The following RANBP3 variants were observed in gnomAD, a reference collection of about 807,000 sequenced individuals.
The protein encoded by RANBP3 is RAN binding protein 3.
Under a neutral mutation model 77.3 loss-of-function variants are expected in RANBP3, and 14 were observed. That is an observed-to-expected ratio of 0.18 (90% CI 0.12 to 0.28). RANBP3 has a LOEUF of 0.28. Ranked by LOEUF, RANBP3 falls within the 10% of genes least tolerant of loss-of-function variation. The pLI, the probability that RANBP3 is intolerant of heterozygous loss-of-function variation, is 1.00. For missense variants in RANBP3, 586 were observed against 752.3 expected (o/e 0.78, Z 2.59); for synonymous variants, 315 against 312.4 (o/e 1.01, Z -0.09).
rs2057752070 is a variant in RANBP3, at chr19:5,917,366, G to A, written c.*244C>T. On this transcript the variant is annotated 3_prime_UTR_variant, in exon 17 of 17. Transcript: ENST00000340578. ...TAATGTGCCATTTCAATTCAAAGGA[G>A]GGGAGGGAGGAAATGTTCTTGTTTG... 1.9e-6 allele frequency: 1 copy of A among 531,566 alleles called. No individual in the cohort carries two copies. The highest frequency in any genetic ancestry group is 3.4e-5 in the Admixed American group (1 of 29,230). 32.9% of individuals were successfully genotyped at this position (531,566 alleles called of 1,614,324 possible). A position where few individuals can be genotyped will look rare whatever the true frequency, so the allele number is the denominator to read the frequency against.
intron 7 of RANBP3, 22 bp from the exon 8 acceptor site, chr19:5,931,553 G>A (rs1217538922): frequency 6.3e-7 from 1 of 1,593,314 alleles, no homozygotes; most frequent in East Asian, 2.3e-5. Context: ...AAGGAGAGTG[G>A]GGAATCACAG....
At chr19:5,923,782 G>GCC (rs756953950) in intron 12 of RANBP3, 30 bp downstream of exon 12, 14 of 1,544,818 alleles carry the variant, frequency 9.1e-6, no homozygotes, top group Non-Finnish European at 1.3e-5. Flanking sequence ...CCTACCATGA[G>GCC]CCCCATGCTG....
intron 1 of RANBP3, among the ~76,000 whole-genome samples, chr19:5,972,858 T>C (rs975562582): frequency 2.0e-5 from 3 of 152,160 alleles, no homozygotes; most frequent in African/African-American, 7.2e-5. Flanking sequence ...CAGACCCAGG[T>C]TGACCCTAAC....
chr19:5,960,105 G>A (rs1261041171), intron 1 of RANBP3, among the ~76,000 whole-genome samples: 2 of 152,144 alleles, frequency 1.3e-5, no homozygotes, highest in African/African-American at 4.8e-5. Flanking sequence ...GTCACCGAGA[G>A]GGGCCTTGGA....
chr19:5,942,637 C>G (rs2058152672), intron 3 of RANBP3, among the ~76,000 whole-genome samples: 1 of 145,850 alleles, frequency 6.9e-6, no homozygotes, highest in African/African-American at 2.5e-5. Flanking sequence ...GTAGGCGGAG[C>G]TTGCAGTGAG....
At chr19:5,950,223 A>G (rs760372334) in intron 3 of RANBP3, among the ~76,000 whole-genome samples, 1 of 152,154 alleles carries the variant, frequency 6.6e-6, no homozygotes, top group Admixed American at 6.5e-5. Context: ...CTGTACTCCC[A>G]GTGCACTGTG....
chr19:5,947,677 G>A (rs78114888), intron 3 of RANBP3, among the ~76,000 whole-genome samples: 18,491 of 152,302 alleles, frequency 0.12, 1,504 homozygotes, highest in Middle Eastern at 0.18. Context: ...CAGCCCTCCC[G>A]CGGCTTGGGC....
At chr19:5,971,337 CTT>C (rs974182825) in intron 1 of RANBP3, among the ~76,000 whole-genome samples, 4 of 149,190 alleles carry the variant, frequency 2.7e-5, no homozygotes, top group African/African-American at 4.9e-5. Flanking sequence ...AATTCTCTCT[CTT>C]TTTTTTTTAT....
intron 14 of RANBP3, 82 bp from the exon 15 acceptor site, chr19:5,918,720 A>T (rs2057778636): frequency 6.6e-7 from 1 of 1,524,136 alleles, no homozygotes; most frequent in Non-Finnish European, 8.9e-7. Flanking sequence ...AACACAGTCC[A>T]GATGGAAAGC....
At chr19:5,936,354 C>T (rs2058064636) in intron 5 of RANBP3, among the ~76,000 whole-genome samples, 1 of 152,190 alleles carries the variant, frequency 6.6e-6, no homozygotes, top group South Asian at 2.1e-4. Flanking sequence ...CACATGCAGG[C>T]AGGCAGGCAG....
chr19:5,941,920 A>G (rs1334259209), intron 3 of RANBP3, 85 bp from the exon 4 acceptor site: 1 of 1,483,812 alleles, frequency 6.7e-7, no homozygotes, highest in Non-Finnish European at 9.4e-7. Flanking sequence ...CAAATATCCC[A>G]ACATGCACCA....
intron 5 of RANBP3, among the ~76,000 whole-genome samples, chr19:5,938,989 A>G (rs947326744): frequency 2.0e-5 from 3 of 152,168 alleles, no homozygotes; most frequent in African/African-American, 7.2e-5. Flanking sequence ...GTTGGAGACC[A>G]GCCTGGCCAA....
intron 8 of RANBP3, 32 bp downstream of exon 8, chr19:5,931,372 T>G: frequency 6.3e-7 from 1 of 1,586,744 alleles, no homozygotes; most frequent in Non-Finnish European, 8.6e-7. Flanking sequence ...GGGCCTAGCA[T>G]GCAGCGCTTC....
At chr19:5,974,823 G>A (rs1399603991) in intron 1 of RANBP3, among the ~76,000 whole-genome samples, 2 of 152,130 alleles carry the variant, frequency 1.3e-5, no homozygotes, top group African/African-American at 2.4e-5. Context: ...AGGGCGTGGC[G>A]ACTGAGCATC....
chr19:5,918,386 A>ATGG, intron 15 of RANBP3, 110 bp downstream of exon 15: 1 of 617,696 alleles, frequency 1.6e-6, no homozygotes, highest in Non-Finnish European at 2.5e-6. Flanking sequence ...GAAGCAACTG[A>ATGG]AGCCCCTCCC....
chr19:5,967,734 T>C (rs772161471), intron 1 of RANBP3, among the ~76,000 whole-genome samples: 1 of 152,222 alleles, frequency 6.6e-6, no homozygotes, highest in South Asian at 2.1e-4. Flanking sequence ...TACAACTGTA[T>C]GGATGGCTGG....
At position 5,921,177 on chromosome 19, in the gene RANBP3, C is replaced by T; in HGVS notation, c.1330+24G>A. The T allele has an allele frequency of 6.2e-7, 1 of 1,601,306 alleles. No individual in the cohort carries two copies. The highest frequency in any genetic ancestry group is 1.3e-5 in the African/African-American group (1 of 74,722). On this transcript the variant is annotated intron_variant, in intron 14 of 16. Transcript: ENST00000340578. The surrounding 1 kb of genome is among the most constrained non-coding windows in gnomAD (Gnocchi z 5.3). Reference sequence around the variant, plus strand: ...AGCCCTCCCCATGGGGACCCGGCCACAGCCCCCGCCGTCGGCAGCTCACCT... The same window carrying T: ...AGCCCTCCCCATGGGGACCCGGCCATAGCCCCCGCCGTCGGCAGCTCACCT...
intron 5 of RANBP3, chr19:5,935,675 TG>T (rs1274576914): frequency 2.2e-6 from 1 of 456,078 alleles, no homozygotes; most frequent in Non-Finnish European, 4.4e-6. Context: ...GGATAATCCC[TG>T]CCACCGACCT....
intron 1 of RANBP3, among the ~76,000 whole-genome samples, chr19:5,961,588 G>A (rs1295325347): frequency 1.3e-5 from 2 of 152,204 alleles, no homozygotes; most frequent in East Asian, 3.9e-4. Context: ...CAAAAACTGA[G>A]CCAGGCGTGG....
Sources: gnomAD v4.1 joint callset for allele counts (sites outside exome capture counted in the v4.1 genomes callset) on GRCh38, gnomAD v4.1.1 for gene constraint, Gnocchi (gnomAD v3.1) non-coding constraint, MANE v1.5 for transcripts, NCBI Gene and HGNC (gene_info 2026-07-23, HGNC 2026-07-21) for gene names.